The following OSBPL3 variants were observed in gnomAD, a reference collection of about 807,000 sequenced individuals.
OSBPL3 encodes the protein oxysterol-binding protein-related protein 3.
A neutral mutation model predicts 120.1 loss-of-function variants in OSBPL3; 65 were observed. The ratio of observed to expected loss-of-function variants is 0.54; its 90% CI spans 0.44 to 0.67. OSBPL3 has a LOEUF of 0.67. OSBPL3 is among the 30% of genes least tolerant of loss of function. The probability of loss-of-function intolerance (pLI) is 0.00; values close to 1 mark genes in which losing one functional copy is unlikely to be tolerated. For synonymous variants in OSBPL3, 416 were observed against 402.6 expected, an observed-to-expected ratio of 1.03 and a Z score of -0.40; for missense variants, 1,004 against 1,082.1, an observed-to-expected ratio of 0.93 and a Z score of 1.01.
At chr7:24,954,518 A>C (rs4446640) in intron 1 of OSBPL3, among the ~76,000 whole-genome samples, 21 of 151,932 alleles carry the variant, frequency 1.4e-4, no homozygotes, top group African/African-American at 4.6e-4. Flanking sequence ...GACAAACAGC[A>C]CTCTCTCTAT....
chr7:24,929,909 A>G (rs962236653), intron 1 of OSBPL3, among the ~76,000 whole-genome samples: 1 of 152,210 alleles, frequency 6.6e-6, no homozygotes, highest in East Asian at 1.9e-4. Context: ...TGCTTATACA[A>G]TATCTCTTTA....
rs529852404 is a variant in OSBPL3, at chr7:24,817,987, G to T, written c.1949-1299C>A. 1.7e-4 allele frequency among the ~76,000 whole-genome samples: 26 copies of T among 152,222 alleles called. No individual in the cohort carries two copies. Among genetic ancestry groups the T allele is most frequent in the Non-Finnish European group, 3.7e-4 (25 of 68,040 alleles). ...GGATCTACAGATCACAGGGAAATCA[G>T]GGTTGAAGCAGGGGGGACAGTGGGG... On this transcript the variant is annotated intron_variant, in intron 17 of 22. Coordinates refer to ENST00000313367, the MANE Select transcript of OSBPL3 (RefSeq NM_015550.4). This position sits in a 1 kb window ranked among gnomAD's most constrained non-coding sequence, Gnocchi z 4.0.
chr7:24,888,004 C>T (rs1357015119), intron 2 of OSBPL3, among the ~76,000 whole-genome samples: 4 of 152,108 alleles, frequency 2.6e-5, no homozygotes, highest in South Asian at 2.1e-4. Flanking sequence ...CTATTGTATT[C>T]GTCACAAAAG....
intron 1 of OSBPL3, among the ~76,000 whole-genome samples, chr7:24,902,971 T>C (rs1301086820): frequency 6.6e-6 from 1 of 152,196 alleles, no homozygotes; most frequent in Non-Finnish European, 1.5e-5. Flanking sequence ...ATGTGCAGTA[T>C]GTGTATTATT....
At chr7:24,979,450 G>A (rs1817963405) in intron 1 of OSBPL3, among the ~76,000 whole-genome samples, 2 of 152,162 alleles carry the variant, frequency 1.3e-5, no homozygotes, top group Admixed American at 1.3e-4. Flanking sequence ...CGTTGTCTCA[G>A]TCTCTCCGGC....
chr7:24,950,214 A>G (rs1286645104), intron 1 of OSBPL3, among the ~76,000 whole-genome samples: 1 of 152,206 alleles, frequency 6.6e-6, no homozygotes, highest in Non-Finnish European at 1.5e-5. Flanking sequence ...AGGAACAAAT[A>G]TCCATCCACG....
In OSBPL3 at chr7:24,930,227, G is replaced by A. The variant is rs1405043423; in HGVS notation, c.-149-37606C>T. On this transcript the variant is annotated intron_variant, in intron 1 of 22. Coordinates refer to ENST00000313367, the MANE Select transcript of OSBPL3 (RefSeq NM_015550.4). This position sits in a 1 kb window ranked among gnomAD's most constrained non-coding sequence, Gnocchi z 4.4. ...GGCAGAAATGCATGGCAAAACTGAA[G>A]GAAACTAGTTTTTTCAGTTCCAAGG... Among the ~76,000 whole-genome samples, 1 of 151,950 alleles carries A rather than the reference G, an allele frequency of 6.6e-6. No individual in the cohort carries two copies. Among genetic ancestry groups the A allele is most frequent in the African/African-American group, 2.4e-5 (1 of 41,370 alleles).
At position 24,940,882 on chromosome 7, in the gene OSBPL3, C is replaced by G. The variant is rs112143176; in HGVS notation, c.-150+39004G>C. On this transcript the variant is annotated intron_variant, in intron 1 of 22. Coordinates refer to ENST00000313367, the MANE Select transcript of OSBPL3 (RefSeq NM_015550.4). The surrounding 1 kb of genome is among the most constrained non-coding windows in gnomAD (Gnocchi z 4.4). ...TCGCCCAGGCTGGAGTGCACTGGCGCGATCTCGGCTCACTGCAAGCTCTGC... is the reference window on the plus strand; with the variant it reads ...TCGCCCAGGCTGGAGTGCACTGGCGGGATCTCGGCTCACTGCAAGCTCTGC... Among the ~76,000 whole-genome samples, 1 of 151,296 alleles carries G rather than the reference C, an allele frequency of 6.6e-6. No individual in the cohort carries two copies. Among genetic ancestry groups the G allele is most frequent in the East Asian group, 1.9e-4 (1 of 5,138 alleles).
At position 24,861,693 on chromosome 7, in the gene OSBPL3, T is replaced by C; in HGVS notation, c.947A>G (p.Glu316Gly). The C allele has an allele frequency of 3.1e-6, 5 of 1,612,330 alleles. No individual in the cohort carries two copies. The highest frequency in any genetic ancestry group is 4.2e-6 in the Non-Finnish European group (5 of 1,178,650). ...TTCAGAGCCATCAGAATAATTTTTC[T>C]CTTCTCCAAAATCTAGTGTTGACAA... ...PNLSTLDFGE[E>G]KNYSDGSETS... Residue 316 changes from glutamate to glycine, a missense_variant, in exon 10 of 23, where the codon GAG becomes GGG. Coordinates refer to ENST00000313367, the MANE Select transcript of OSBPL3 (RefSeq NM_015550.4).
intron 1 of OSBPL3, among the ~76,000 whole-genome samples, chr7:24,907,480 C>A (rs1029482259): frequency 2.0e-5 from 3 of 152,206 alleles, no homozygotes; most frequent in African/African-American, 7.2e-5. Flanking sequence ...AAACACTCAG[C>A]ATAGTCCTTG....
rs975397744 is a variant in OSBPL3, at chr7:24,939,100, T to C, written c.-150+40786A>G. On this transcript the variant is annotated intron_variant, in intron 1 of 22. Coordinates refer to ENST00000313367, the MANE Select transcript of OSBPL3 (RefSeq NM_015550.4). The surrounding 1 kb of genome is among the most constrained non-coding windows in gnomAD (Gnocchi z 4.2). ...GGAATCAGCACTGAGCAAGAAGAGA[T>C]GGTGAGGTAAGTATCCCAGGAAATG... 4.0e-5 allele frequency among the ~76,000 whole-genome samples: 6 copies of C among 151,772 alleles called. No individual in the cohort carries two copies. The highest frequency in any genetic ancestry group is 1.5e-4 in the African/African-American group (6 of 41,280).
chr7:24,876,307 C>A (rs1802829981), intron 2 of OSBPL3, among the ~76,000 whole-genome samples: 2 of 152,158 alleles, frequency 1.3e-5, no homozygotes, highest in South Asian at 4.1e-4. Context: ...TTGGTTTCTA[C>A]CTCCTTCCAT....
In OSBPL3 at chr7:24,840,760, G is replaced by A. The variant is rs1797639310; in HGVS notation, c.1425C>T (p.Val475=). The part of the protein sequence containing the change: ...ENEISDDDSY[V]SDISDNLSLD... Reference sequence around the variant, plus strand: ...AGGAAAGATTATCACTTATGTCACTGACATATGAGTCATCATCAGAAATCT... The same window carrying A: ...AGGAAAGATTATCACTTATGTCACTAACATATGAGTCATCATCAGAAATCT... The change falls in exon 14 of 23, where the codon GTC becomes GTT. Residue 475 remains valine, a synonymous_variant. Transcript: ENST00000313367. 6.9e-7 allele frequency: 1 copy of A among 1,454,196 alleles called. No homozygotes were observed. Among genetic ancestry groups the A allele is most frequent in the Non-Finnish European group, 9.5e-7 (1 of 1,054,648 alleles). The allele number at this position is 1,454,196 out of a possible 1,614,324, so 90.1% of individuals were successfully genotyped here.
Position 24,832,500 on chromosome 7 carries a change from A to T in OSBPL3, c.1747-1595T>A, listed in dbSNP as rs1185483963. ...ACTCCAGCCTGGGCGACAGAGAGAGACTCTGCCTCAAAGAAAAAAAAAAAA... is the reference window on the plus strand; with the variant it reads ...ACTCCAGCCTGGGCGACAGAGAGAGTCTCTGCCTCAAAGAAAAAAAAAAAA... On this transcript the variant is annotated intron_variant, in intron 15 of 22. Coordinates refer to ENST00000313367, the MANE Select transcript of OSBPL3 (RefSeq NM_015550.4). Among the ~76,000 whole-genome samples the T allele has an allele frequency of 1.0e-4, 13 of 129,780 alleles. No homozygotes were observed. In the South Asian group the frequency reaches 3.2e-3, roughly 32 times the overall value. The allele number at this position is 129,780 out of a possible 152,430, so 85.1% of individuals were successfully genotyped here.
At chr7:24,935,253 G>A (rs1812272264) in intron 1 of OSBPL3, among the ~76,000 whole-genome samples, 1 of 151,906 alleles carries the variant, frequency 6.6e-6, no homozygotes. Context: ...ACCCACCAAT[G>A]GTAACATCTT....
chr7:24,914,555 C>T (rs910886175), intron 1 of OSBPL3, among the ~76,000 whole-genome samples: 14 of 151,976 alleles, frequency 9.2e-5, no homozygotes, highest in African/African-American at 3.4e-4. Flanking sequence ...ACAAAATGGG[C>T]AAACCTAGAC....
In OSBPL3 at chr7:24,820,143, T is replaced by A. The variant is rs755851426; in HGVS notation, c.1948+32A>T. 49 of 1,403,650 alleles carry A rather than the reference T, an allele frequency of 3.5e-5. No homozygotes were observed. The highest frequency in any genetic ancestry group is 4.1e-5 in the Non-Finnish European group (41 of 992,130). 86.9% of individuals were successfully genotyped at this position (1,403,650 alleles called of 1,614,324 possible). ...AATAAATAGATAACATATTACACAA[T>A]ATGATGGAAGTAAAATGTATTAGCA... is the stretch of plus-strand genomic sequence containing the variant. On this transcript the variant is annotated intron_variant, in intron 17 of 22. Coordinates refer to ENST00000313367, the MANE Select transcript of OSBPL3 (RefSeq NM_015550.4). This position sits in a 1 kb window ranked among gnomAD's most constrained non-coding sequence, Gnocchi z 4.6.
intron 1 of OSBPL3, among the ~76,000 whole-genome samples, chr7:24,962,315 G>T (rs1220223603): frequency 6.8e-6 from 1 of 147,956 alleles, no homozygotes; most frequent in Non-Finnish European, 1.5e-5. Flanking sequence ...AATAAAGAAA[G>T]AAAGACAGAA....
At chr7:24,838,498 T>C (rs994306588) in intron 14 of OSBPL3, among the ~76,000 whole-genome samples, 9 of 152,050 alleles carry the variant, frequency 5.9e-5, no homozygotes, top group Admixed American at 5.9e-4. Context: ...CCTGTCTTCA[T>C]ACACAAAAAA....
Sources: gnomAD v4.1 joint callset for allele counts (sites outside exome capture counted in the v4.1 genomes callset) on GRCh38, gnomAD v4.1.1 for gene constraint, Gnocchi (gnomAD v3.1) non-coding constraint, MANE v1.5 for transcripts, NCBI Gene and HGNC (gene_info 2026-07-23, HGNC 2026-07-21) for gene names.